The following KIAA1217 variants were observed in gnomAD, a reference collection of about 807,000 sequenced individuals.
KIAA1217 encodes the protein sickle tail protein homolog.
In KIAA1217, 88 loss-of-function variants were observed where a neutral mutation model predicts 163.9. The observed-to-expected ratio is 0.54, with a 90% CI of 0.45 to 0.64. The LOEUF (loss-of-function observed/expected upper bound fraction) is 0.64. KIAA1217 is among the 30% of genes least tolerant of loss of function. The pLI, the probability that KIAA1217 is intolerant of heterozygous loss-of-function variation, is 0.00. For synonymous variants in KIAA1217, 903 were observed against 923.1 expected, an observed-to-expected ratio of 0.98 and a Z score of 0.39; for missense variants, 2,372 against 2,475.0, an observed-to-expected ratio of 0.96 and a Z score of 0.88.
intron 1 of KIAA1217, among the ~76,000 whole-genome samples, chr10:23,824,811 G>A (rs546831421): frequency 1.3e-5 from 2 of 151,290 alleles, no homozygotes; most frequent in East Asian, 3.9e-4. Flanking sequence ...ATCTATTGGG[G>A]TAACATATTC....
chr10:24,237,840 C>T (rs957513736), intron 2 of KIAA1217, among the ~76,000 whole-genome samples: 2 of 152,154 alleles, frequency 1.3e-5, no homozygotes, highest in Non-Finnish European at 2.9e-5. Context: ...ACTCTGGCTG[C>T]GGTATTAAAC....
chr10:24,048,392 A>G (rs979490153), intron 2 of KIAA1217, among the ~76,000 whole-genome samples: 2 of 152,232 alleles, frequency 1.3e-5, no homozygotes, highest in African/African-American at 4.8e-5. Flanking sequence ...ATGAAAAATT[A>G]CACTTACTTC....
Position 24,156,204 on chromosome 10 carries a change from G to C in KIAA1217, c.-170-63422G>C, listed in dbSNP as rs12258279. 3.2e-3 allele frequency among the ~76,000 whole-genome samples: 484 copies of C among 152,246 alleles called. 1 individual carries two copies. The highest frequency in any genetic ancestry group is 0.011 in the African/African-American group (453 of 41,566). ...ACTAGAAACTAGCTTGCATTTTCTA[G>C]AGTAAATGGTATCATACATACTCCA... On this transcript the variant is annotated intron_variant, in intron 2 of 18. Transcript: ENST00000376462.
chr10:24,230,889 G>A (rs1590082367), intron 2 of KIAA1217, among the ~76,000 whole-genome samples: 1 of 152,286 alleles, frequency 6.6e-6, no homozygotes, highest in South Asian at 2.1e-4. Context: ...TGTCTGAGGA[G>A]ACACAGCAAG....
chr10:24,217,218 TTC>T (rs2068951518), intron 1 of KIAA1217, among the ~76,000 whole-genome samples: 1 of 152,126 alleles, frequency 6.6e-6, no homozygotes, highest in Non-Finnish European at 1.5e-5. Context: ...ATCCTGTTAT[TTC>T]TCTGTTATTA....
At chr10:23,877,284 T>C (rs555580445) in intron 1 of KIAA1217, 1 of 152,140 alleles carries the variant, frequency 6.6e-6, no homozygotes, top group African/African-American at 2.4e-5. Flanking sequence ...AGCACAGCCA[T>C]ATTACTACAT....
Position 24,403,516 on chromosome 10 carries a change from G to A in KIAA1217, c.553+22449G>A, listed in dbSNP as rs148802196. Among the ~76,000 whole-genome samples the A allele has an allele frequency of 3.8e-3, 577 of 152,302 alleles. 2 individuals carry two copies. The highest frequency in any genetic ancestry group is 7.1e-3 in the Non-Finnish European group (483 of 68,030). On this transcript the variant is annotated intron_variant, in intron 3 of 20. Transcript: ENST00000376454. ...AGCCTCCCAAAGTGCTGGGATTACA[G>A]GCATGAGCCATCTTGCCCAGCCTGG...
intron 1 of KIAA1217, among the ~76,000 whole-genome samples, chr10:24,211,388 T>TAA (rs60486827): frequency 8.8e-6 from 1 of 114,050 alleles, no homozygotes; most frequent in African/African-American, 3.5e-5. Flanking sequence ...TTTTTTTTTT[T>TAA]TTAGAGAGGG....
chr10:23,889,619 A>C (rs890525748), intron 1 of KIAA1217, among the ~76,000 whole-genome samples: 1 of 151,948 alleles, frequency 6.6e-6, no homozygotes, highest in Non-Finnish European at 1.5e-5. Flanking sequence ...TTCAATTCAG[A>C]AAAGACTAAT....
At chr10:24,535,019 G>T (rs974084099) in intron 16 of KIAA1217, among the ~76,000 whole-genome samples, 27 of 152,000 alleles carry the variant, frequency 1.8e-4, no homozygotes, top group African/African-American at 6.5e-4. Flanking sequence ...TGGCCATAAT[G>T]ATTCTCTTGT....
intron 2 of KIAA1217, among the ~76,000 whole-genome samples, chr10:24,090,611 G>A (rs192783886): frequency 2.6e-5 from 4 of 151,646 alleles, no homozygotes; most frequent in Admixed American, 6.5e-5. Flanking sequence ...GAGGGACTGT[G>A]AGCATTTCGA....
intron 1 of KIAA1217, among the ~76,000 whole-genome samples, chr10:23,811,490 T>G (rs924706567): frequency 1.6e-4 from 25 of 151,828 alleles, no homozygotes; most frequent in Admixed American, 1.6e-3. Context: ...TATTAAGATA[T>G]GTTCATTCTT....
intron 2 of KIAA1217, among the ~76,000 whole-genome samples, chr10:24,060,354 A>C (rs2060677550): frequency 6.6e-6 from 1 of 151,834 alleles, no homozygotes; most frequent in Non-Finnish European, 1.5e-5. Context: ...ATATTTTCTG[A>C]TTTCCCTTCT....
intron 2 of KIAA1217, among the ~76,000 whole-genome samples, chr10:24,084,410 A>T (rs891146456): frequency 2.0e-5 from 3 of 152,162 alleles, no homozygotes; most frequent in Non-Finnish European, 4.4e-5. Context: ...TGAATTAGAG[A>T]ATGTGCCCTT....
At chr10:24,367,895 T>C (rs2051012413) in intron 2 of KIAA1217, among the ~76,000 whole-genome samples, 1 of 152,160 alleles carries the variant, frequency 6.6e-6, no homozygotes, top group Admixed American at 6.5e-5. Flanking sequence ...AGCTAGGTAA[T>C]GGTTGTGCTT....
At chr10:23,830,706 GTAGA>G (rs1166745195) in intron 1 of KIAA1217, among the ~76,000 whole-genome samples, 46 of 126,982 alleles carry the variant, frequency 3.6e-4, no homozygotes, top group Middle Eastern at 4.3e-3. Context: ...AGGTAGGTAG[GTAGA>G]TAGATAGGTA....
chr10:23,901,295 C>T (rs997967276), intron 1 of KIAA1217, among the ~76,000 whole-genome samples: 5 of 152,090 alleles, frequency 3.3e-5, no homozygotes. Context: ...ATGTCAGCAT[C>T]TATGTCTTAA....
intron 1 of KIAA1217, among the ~76,000 whole-genome samples, chr10:23,729,906 AAT>A (rs199830352): frequency 0.28 from 32,787 of 118,614 alleles, 3,786 homozygotes; most frequent in African/African-American, 0.42. Flanking sequence ...TTTTCTATGA[AAT>A]TTTTTTTTTT....
intron 6 of KIAA1217, among the ~76,000 whole-genome samples, chr10:24,493,278 G>A (rs1199732210): frequency 2.6e-5 from 4 of 152,236 alleles, no homozygotes; most frequent in South Asian, 2.1e-4. Flanking sequence ...ACTGAGATCC[G>A]CAGTGAGGAG....
Sources: gnomAD v4.1 joint callset for allele counts (sites outside exome capture counted in the v4.1 genomes callset) on GRCh38, gnomAD v4.1.1 for gene constraint, MANE v1.5 for transcripts, NCBI Gene and HGNC (gene_info 2026-07-23, HGNC 2026-07-21) for gene names.